DNAJC12: variants seen among roughly 807,000 people sequenced by gnomAD.
DNAJC12 encodes dnaJ homolog subfamily C member 12.
DNAJC12 carries 25 observed loss-of-function variants against 28.5 expected under a neutral mutation model. The ratio of observed to expected loss-of-function variants is 0.88; its 90% CI spans 0.64 to 1.22. The LOEUF is 1.22. DNAJC12 is among the 50% of genes most tolerant of loss of function. The pLI, the probability that DNAJC12 is intolerant of heterozygous loss-of-function variation, is 0.00. For missense variants in DNAJC12, 222 were observed against 231.7 expected, an observed-to-expected ratio of 0.96 and a Z score of 0.27; for synonymous variants, 77 against 80.6, an observed-to-expected ratio of 0.95 and a Z score of 0.24.
intron 1 of DNAJC12, among the ~76,000 whole-genome samples, chr10:67,836,849 C>T (rs1237418184): frequency 6.6e-6 from 1 of 151,398 alleles, no homozygotes; most frequent in Non-Finnish European, 1.5e-5. Context: ...AATATAAAAA[C>T]ATTTTGCTTT....
chr10:67,809,773 T>C (rs568920521), intron 3 of DNAJC12, among the ~76,000 whole-genome samples: 107 of 152,270 alleles, frequency 7.0e-4, no homozygotes, highest in African/African-American at 2.4e-3. Context: ...CCATTATAAA[T>C]GGGAGCTAAG....
At chr10:67,813,348 G>A (rs1237034201) in intron 2 of DNAJC12, among the ~76,000 whole-genome samples, 1 of 152,142 alleles carries the variant, frequency 6.6e-6, no homozygotes, top group Non-Finnish European at 1.5e-5. Flanking sequence ...AGATGACAGA[G>A]CGAGACTCCG....
intron 3 of DNAJC12, chr10:67,811,246 T>C: frequency 3.4e-6 from 4 of 1,168,796 alleles, no homozygotes; most frequent in Non-Finnish European, 4.3e-6. Context: ...TTAGAGCTCA[T>C]AAAATAGTAA....
intron 3 of DNAJC12, among the ~76,000 whole-genome samples, chr10:67,809,783 G>A (rs1841840561): frequency 6.6e-6 from 1 of 152,150 alleles, no homozygotes; most frequent in Admixed American, 6.5e-5. Context: ...TGGGAGCTAA[G>A]CTACGGATAC....
intron 2 of DNAJC12, among the ~76,000 whole-genome samples, chr10:67,819,817 G>T (rs1841965995): frequency 6.8e-6 from 1 of 147,782 alleles, no homozygotes; most frequent in Non-Finnish European, 1.5e-5. Flanking sequence ...AGGAAGGAAG[G>T]AATGTTTATG....
intron 2 of DNAJC12, chr10:67,816,079 G>A (rs1210490794): frequency 2.5e-6 from 1 of 398,452 alleles, no homozygotes; most frequent in Admixed American, 4.4e-5. Flanking sequence ...AAGCTTATAG[G>A]AGCAAATGAT....
chr10:67,800,874 C>T (rs1339111225), intron 4 of DNAJC12, among the ~76,000 whole-genome samples: 2 of 151,488 alleles, frequency 1.3e-5, no homozygotes, highest in African/African-American at 4.9e-5. Context: ...ACCCGGGAGG[C>T]AGAGGTTGCA....
rs757598102 is a variant in DNAJC12, at chr10:67,811,657, G to A, written c.164C>T (p.Thr55Ile). The A allele has an allele frequency of 1.2e-5, 19 of 1,611,602 alleles. No homozygotes were observed. The South Asian group carries it at 2.0e-4, about 17-fold the overall frequency. ...KHPENPKAVETFQKLQKAKEI... is the reference protein window; with the variant it reads ...KHPENPKAVEIFQKLQKAKEI... ...CTTTGCCTTCTGCAGTTTCTGAAAA[G>A]TCTCCACTGGAAAACAAATCAAGAA... Residue 55 changes from threonine to isoleucine, a missense_variant, in exon 3 of 5, where the codon ACT (threonine) becomes ATT (isoleucine). By Grantham distance (89) the Thr-to-Ile change is moderately conservative. Coordinates refer to ENST00000225171, the MANE Select transcript of DNAJC12 (RefSeq NM_021800.3).
intron 4 of DNAJC12, among the ~76,000 whole-genome samples, chr10:67,798,039 C>CAAA (rs759359409): frequency 0.019 from 2,325 of 124,422 alleles, 90 homozygotes; most frequent in African/African-American, 0.071. Flanking sequence ...GATTCTGTCT[C>CAAA]AGAAAAAAAA....
At chr10:67,808,039 C>G (rs773543119) in intron 3 of DNAJC12, among the ~76,000 whole-genome samples, 2 of 152,160 alleles carry the variant, frequency 1.3e-5, no homozygotes, top group African/African-American at 2.4e-5. Flanking sequence ...TGCTAAGCAG[C>G]CTGGTTTGCT....
chr10:67,810,781 T>A (rs1841851401), intron 3 of DNAJC12: 1 of 152,214 alleles, frequency 6.6e-6, no homozygotes, highest in African/African-American at 2.4e-5. Context: ...ATGTGAATCA[T>A]TTTATACACT....
intron 4 of DNAJC12, among the ~76,000 whole-genome samples, chr10:67,801,861 T>G (rs1470588722): frequency 2.5e-5 from 3 of 120,586 alleles, no homozygotes; most frequent in Non-Finnish European, 3.4e-5. Flanking sequence ...TTTTTTTTTT[T>G]TTTTTTTTTT....
At chr10:67,810,550 G>T (rs1189234492) in intron 3 of DNAJC12, among the ~76,000 whole-genome samples, 1 of 152,086 alleles carries the variant, frequency 6.6e-6, no homozygotes, top group African/African-American at 2.4e-5. Flanking sequence ...GTTCCAGAGG[G>T]ATTATACTAT....
chr10:67,822,833 C>CAA (rs557603216), intron 2 of DNAJC12, among the ~76,000 whole-genome samples: 1 of 141,358 alleles, frequency 7.1e-6, no homozygotes, highest in Non-Finnish European at 1.6e-5. Flanking sequence ...TAAAAAAATA[C>CAA]AAAAAAAAAA....
At position 67,797,056 on chromosome 10, in the gene DNAJC12, T is replaced by C. The variant is rs41307567; in HGVS notation, c.*60A>G. On this transcript the variant is annotated 3_prime_UTR_variant, in exon 5 of 5. Transcript: ENST00000225171. ...ACATTTTTAAGACATAAACAAAGAC[T>C]GCATGTTGGCAGCATAGGGGACAGT... The C allele has an allele frequency of 0.017, 22,590 of 1,321,258 alleles. 233 individuals are homozygous for C. The highest frequency in any genetic ancestry group is 0.021 in the Non-Finnish European group (19,914 of 934,210). 81.8% of individuals were successfully genotyped at this position (1,321,258 alleles called of 1,614,324 possible).
In DNAJC12 at chr10:67,815,748, G is replaced by A. The variant is rs114167390; in HGVS notation, c.158-4085C>T. On this transcript the variant is annotated intron_variant, in intron 2 of 4. Coordinates refer to ENST00000225171, the MANE Select transcript of DNAJC12 (RefSeq NM_021800.3). ...TGCACATGCCAGTTGCTACTCATGT[G>A]GGGCTTGTAAAGATTTATGTATTTA... 5.4e-3 allele frequency among the ~76,000 whole-genome samples: 817 copies of A among 152,176 alleles called. 7 individuals carry two copies. Among genetic ancestry groups the A allele is most frequent in the African/African-American group, 0.019 (769 of 41,500 alleles).
At chr10:67,800,420 AG>A (rs1300925772) in intron 4 of DNAJC12, among the ~76,000 whole-genome samples, 1 of 152,122 alleles carries the variant, frequency 6.6e-6, no homozygotes, top group Non-Finnish European at 1.5e-5. Flanking sequence ...ATCTCACATG[AG>A]GGGTGAAGGA....
intron 2 of DNAJC12, among the ~76,000 whole-genome samples, chr10:67,818,999 C>A (rs1057311913): frequency 1.3e-5 from 2 of 152,068 alleles, no homozygotes; most frequent in African/African-American, 4.8e-5. Context: ...TTAATATTAA[C>A]TCCAGTTCAG....
rs201846787 is a variant in DNAJC12, at chr10:67,826,619, TTA to T, written c.79-3229_79-3228del. Among the ~76,000 whole-genome samples, 894 of 133,194 alleles carry T rather than the reference TTA, an allele frequency of 6.7e-3. 25 individuals carry two copies. The highest frequency in any genetic ancestry group is 0.024 in the African/African-American group (849 of 35,346). The allele number at this position is 133,194 out of a possible 152,430, so 87.4% of individuals were successfully genotyped here. A position where few individuals can be genotyped will look rare whatever the true frequency, so the allele number is the denominator to read the frequency against. ...TATATAAGATATCTAATGATATATA[TTA>T]TATATATCATTATATATAAGATATC... is the stretch of plus-strand genomic sequence containing the variant. On this transcript the variant is annotated intron_variant, in intron 1 of 4. Coordinates refer to ENST00000225171, the MANE Select transcript of DNAJC12 (RefSeq NM_021800.3).
Sources: allele counts gnomAD v4.1 joint callset (sites outside exome capture counted in the v4.1 genomes callset), GRCh38; gene constraint gnomAD v4.1.1; transcripts MANE v1.5; gene names NCBI Gene and HGNC (gene_info 2026-07-23, HGNC 2026-07-21).